TBK1: variants seen among roughly 807,000 people sequenced by gnomAD.
TBK1 encodes the protein serine/threonine-protein kinase TBK1.
TBK1 carries 37 observed loss-of-function variants against 99.9 expected under a neutral mutation model. The ratio of observed to expected loss-of-function variants is 0.37; its 90% CI spans 0.28 to 0.49. The LOEUF (loss-of-function observed/expected upper bound fraction) is 0.49. Ranked by LOEUF, TBK1 falls within the 20% of genes least tolerant of loss-of-function variation. TBK1 has a pLI of 0.98. For synonymous variants in TBK1, 258 were observed against 279.8 expected (o/e 0.92, Z 0.78); for missense variants, 644 against 872.5 (o/e 0.74, Z 3.30).
intron 15 of TBK1, 21 bp downstream of exon 15, chr12:64,495,796 G>A (rs751396959): frequency 6.6e-6 from 10 of 1,512,902 alleles, no homozygotes; most frequent in Non-Finnish European, 6.2e-6. Context: ...TTTGCTATTT[G>A]TTAATTTAAT....
chr12:64,488,479 T>C lies in TBK1; in HGVS notation c.1341-8T>C. 6.6e-7 allele frequency: 1 copy of C among 1,525,106 alleles called. No individual in the cohort carries two copies. Among genetic ancestry groups the C allele is most frequent in the South Asian group, 1.3e-5 (1 of 78,056 alleles). 94.5% of individuals were successfully genotyped at this position (1,525,106 alleles called of 1,614,324 possible). ...GATAAACTAATTAGAATAATTTTCTTTTTTTAGTGAATTAATTAAAGATGA... is the reference window on the plus strand; with the variant it reads ...GATAAACTAATTAGAATAATTTTCTCTTTTTAGTGAATTAATTAAAGATGA... On this transcript the variant is annotated splice_polypyrimidine_tract_variant and splice_region_variant and intron_variant, in intron 11 of 20. Coordinates refer to ENST00000331710, the MANE Select transcript of TBK1 (RefSeq NM_013254.4).
At chr12:64,475,029 G>A (rs1205569836) in intron 6 of TBK1, among the ~76,000 whole-genome samples, 1 of 152,076 alleles carries the variant, frequency 6.6e-6, no homozygotes, top group Non-Finnish European at 1.5e-5. Context: ...GAGGTGGTAG[G>A]ATCACCTGAT....
At chr12:64,492,996 C>T (rs991415852) in intron 13 of TBK1, among the ~76,000 whole-genome samples, 4 of 149,696 alleles carry the variant, frequency 2.7e-5, no homozygotes, top group Non-Finnish European at 4.5e-5. Flanking sequence ...CCTGGGTTCA[C>T]GCCATTCTCC....
chr12:64,457,571 T>C (rs2136054398), intron 2 of TBK1, among the ~76,000 whole-genome samples: 1 of 152,304 alleles, frequency 6.6e-6, no homozygotes, highest in South Asian at 2.1e-4. Context: ...TGCGGTTAGC[T>C]ATACTGCACA....
intron 8 of TBK1, among the ~76,000 whole-genome samples, chr12:64,482,580 A>G (rs925958524): frequency 3.9e-5 from 6 of 152,240 alleles, no homozygotes; most frequent in East Asian, 3.8e-4. Context: ...GTTTTGGTCA[A>G]TGATGGACCA....
intron 12 of TBK1, among the ~76,000 whole-genome samples, chr12:64,489,642 C>T (rs1191792873): frequency 4.0e-5 from 6 of 150,194 alleles, no homozygotes; most frequent in African/African-American, 1.5e-4. Context: ...AATCACTGCT[C>T]ACTGCAACCT....
chr12:64,473,667 T>C (rs1468721286), intron 5 of TBK1, among the ~76,000 whole-genome samples: 1 of 152,168 alleles, frequency 6.6e-6, no homozygotes, highest in Admixed American at 6.6e-5. Context: ...GGCTCATGCC[T>C]GTAATCCCAG....
intron 5 of TBK1, among the ~76,000 whole-genome samples, chr12:64,470,009 A>G (rs1256908002): frequency 6.6e-6 from 1 of 152,190 alleles, no homozygotes; most frequent in African/African-American, 2.4e-5. Context: ...CATCAGGCCC[A>G]GAGAAAACAG....
At chr12:64,471,319 C>T (rs1165986366) in intron 5 of TBK1, among the ~76,000 whole-genome samples, 1 of 151,228 alleles carries the variant, frequency 6.6e-6, no homozygotes, top group Non-Finnish European at 1.5e-5. Flanking sequence ...CAGGTGCACA[C>T]CACCACACCT....
intron 7 of TBK1, 117 bp downstream of exon 7, chr12:64,480,239 T>A: frequency 1.6e-6 from 1 of 640,214 alleles, no homozygotes. Context: ...TAATTAGATA[T>A]TGTCAAAGCA....
chr12:64,460,374 C>A, intron 3 of TBK1, 45 bp downstream of exon 3: 2 of 1,406,272 alleles, frequency 1.4e-6, no homozygotes, highest in Non-Finnish European at 1.9e-6. Flanking sequence ...AGTTACGAGT[C>A]AAGAAATAGA....
chr12:64,476,667 A>C (rs1342641082), intron 6 of TBK1, among the ~76,000 whole-genome samples: 1 of 152,128 alleles, frequency 6.6e-6, no homozygotes, highest in Non-Finnish European at 1.5e-5. Flanking sequence ...AAAGCTCTTT[A>C]GTTTAATTAA....
intron 2 of TBK1, among the ~76,000 whole-genome samples, chr12:64,456,342 G>C (rs935074480): frequency 6.6e-6 from 1 of 152,108 alleles, no homozygotes; most frequent in African/African-American, 2.4e-5. Context: ...ATGTGTATTG[G>C]GAGGGGAACT....
chr12:64,480,771 G>A (rs189854791), intron 7 of TBK1, among the ~76,000 whole-genome samples: 1 of 152,258 alleles, frequency 6.6e-6, no homozygotes, highest in African/African-American at 2.4e-5. Context: ...TCGGTATTTA[G>A]TATCTGTGAT....
chr12:64,467,961 G>A (rs961895147), intron 5 of TBK1, among the ~76,000 whole-genome samples: 3 of 152,130 alleles, frequency 2.0e-5, no homozygotes, highest in African/African-American at 4.8e-5. Flanking sequence ...TTGGGAGGCT[G>A]AGGATTGCTT....
rs760123372 is a variant in TBK1 at position 64,455,822 on chromosome 12, A to ATT, written c.-31-9_-31-8dup. 5 of 1,361,434 alleles carry ATT rather than the reference A, an allele frequency of 3.7e-6. No homozygotes were observed. Among genetic ancestry groups the ATT allele is most frequent in the Non-Finnish European group, 4.0e-6 (4 of 991,982 alleles). 84.3% of individuals were successfully genotyped at this position (1,361,434 alleles called of 1,614,324 possible). On this transcript the variant is annotated splice_polypyrimidine_tract_variant and intron_variant, in intron 1 of 20. Coordinates refer to ENST00000331710, the MANE Select transcript of TBK1 (RefSeq NM_013254.4). ...TTACTCCCTTAAAACATAGTTGCAA[A>ATT]TTTTTTTTTTCTCTTAGTATAACAA...
In TBK1 at chr12:64,460,190, A is replaced by G; in HGVS notation, c.89A>G (p.Lys30Arg). ...TANVFRGRHK[K>R]TGDLFAIKVF... ...AACATTTCTCTCTCTTTTTTAAAGA[A>G]AACTGGTGATTTATTTGCTATCAAA... The change falls in exon 3 of 21, where the codon AAA becomes AGA. Residue 30 changes from lysine to arginine, a missense_variant and splice_region_variant. This residue lies in a region of TBK1 where 148 missense variants were observed against 202.1 expected (regional missense o/e 0.73). Transcript: ENST00000331710. 6.7e-7 allele frequency: 1 copy of G among 1,491,834 alleles called. No homozygotes were observed. Among genetic ancestry groups the G allele is most frequent in the Non-Finnish European group, 9.0e-7 (1 of 1,109,650 alleles). The allele number at this position is 1,491,834 out of a possible 1,614,324, so 92.4% of individuals were successfully genotyped here.
At chr12:64,481,703 A>T in intron 7 of TBK1, 139 bp from the exon 8 acceptor site, 1 of 550,760 alleles carries the variant, frequency 1.8e-6, no homozygotes, top group Non-Finnish European at 2.8e-6. Context: ...TGAAAAGTTG[A>T]CAGATTTTAA....
At chr12:64,467,168 T>C in intron 5 of TBK1, 86 bp downstream of exon 5, 1 of 1,073,390 alleles carries the variant, frequency 9.3e-7, no homozygotes, top group Non-Finnish European at 1.3e-6. Context: ...CAATTCACTA[T>C]AAAATGTCAT....
Sources: gnomAD v4.1 joint callset for allele counts (sites outside exome capture counted in the v4.1 genomes callset) on GRCh38, gnomAD v4.1.1 for gene constraint, gnomAD v4.1.1 regional missense constraint, MANE v1.5 for transcripts, NCBI Gene and HGNC (gene_info 2026-07-23, HGNC 2026-07-21) for gene names.